INPP5D: variants seen among roughly 807,000 people sequenced by gnomAD.
INPP5D encodes the protein inositol polyphosphate-5-phosphatase D, also known as phosphatidylinositol 3,4,5-trisphosphate 5-phosphatase 1.
INPP5D carries 33 observed loss-of-function variants against 122.9 expected under a neutral mutation model. The ratio of observed to expected loss-of-function variants is 0.27; its 90% CI spans 0.20 to 0.36. The LOEUF is 0.36. Among genes scored for constraint, INPP5D ranks in the 10% least tolerant of loss-of-function variants. The pLI, the probability that INPP5D is intolerant of heterozygous loss-of-function variation, is 1.00. For missense variants in INPP5D, 1,053 were observed against 1,412.7 expected, an observed-to-expected ratio of 0.75 and a Z score of 4.08; for synonymous variants, 584 against 576.2, an observed-to-expected ratio of 1.01 and a Z score of -0.19.
intron 5 of INPP5D, among the ~76,000 whole-genome samples, chr2:233,131,743 T>A (rs1434920124): frequency 1.3e-5 from 2 of 152,178 alleles, no homozygotes; most frequent in Non-Finnish European, 2.9e-5. Flanking sequence ...ACATTTTGAT[T>A]GGAAAAATGG....
Position 233,164,281 on chromosome 2 carries a change from G to T in INPP5D, c.1438-26G>T, listed in dbSNP as rs1405723356. ...GGTTCACACCCTACACTTGGGCCGA[G>T]TATTGCAACGTTGTCCTCCCACCAG... On this transcript the variant is annotated intron_variant, in intron 12 of 26. Transcript: ENST00000445964. This position sits in a 1 kb window ranked among gnomAD's most constrained non-coding sequence, Gnocchi z 4.3. 2.0e-6 allele frequency: 3 copies of T among 1,536,786 alleles called. No homozygotes were observed. The highest frequency in any genetic ancestry group is 2.4e-5 in the South Asian group (2 of 82,058).
intron 6 of INPP5D, among the ~76,000 whole-genome samples, chr2:233,142,206 C>T (rs1693645745): frequency 6.6e-6 from 1 of 152,194 alleles, no homozygotes; most frequent in Non-Finnish European, 1.5e-5. Flanking sequence ...GAGGGTGGGT[C>T]ATGCTGCCAC....
At chr2:233,186,238 C>T (rs959376272) in intron 21 of INPP5D, among the ~76,000 whole-genome samples, 4 of 152,282 alleles carry the variant, frequency 2.6e-5, no homozygotes, top group Non-Finnish European at 4.4e-5. Context: ...CAGGGCCAAG[C>T]GCTGTTTGCT....
chr2:233,103,228 A>T (rs1232126332), intron 2 of INPP5D, among the ~76,000 whole-genome samples: 1 of 152,084 alleles, frequency 6.6e-6, no homozygotes, highest in African/African-American at 2.4e-5. Context: ...TTCCCTGCAA[A>T]TCTCTGCTGC....
chr2:233,178,681 A>C (rs1694707572), intron 18 of INPP5D, among the ~76,000 whole-genome samples: 1 of 152,060 alleles, frequency 6.6e-6, no homozygotes, highest in Non-Finnish European at 1.5e-5. Context: ...ATGGGGTTAC[A>C]CCATGTTGGT....
At chr2:233,151,641 A>G (rs1036915578) in intron 9 of INPP5D, among the ~76,000 whole-genome samples, 3 of 152,194 alleles carry the variant, frequency 2.0e-5, no homozygotes, top group African/African-American at 7.2e-5. Flanking sequence ...AGGCACTTGC[A>G]ATGTCATCCA....
Position 233,177,387 on chromosome 2 carries a change from A to G in INPP5D, c.2071+41A>G. ...GGGGAAAGCAGAACAGGATCAGAGA[A>G]TGGCACCAAGCTGGGAGGTGTGACT... On this transcript the variant is annotated intron_variant, in intron 18 of 26. Transcript: ENST00000445964. This position sits in a 1 kb window ranked among gnomAD's most constrained non-coding sequence, Gnocchi z 4.2. 2 of 1,613,030 alleles carry G rather than the reference A, an allele frequency of 1.2e-6. No homozygotes were observed. The highest frequency in any genetic ancestry group is 4.5e-5 in the East Asian group (2 of 44,854).
intron 9 of INPP5D, among the ~76,000 whole-genome samples, chr2:233,147,916 G>C (rs542874487): frequency 6.6e-6 from 1 of 152,248 alleles, no homozygotes; most frequent in Non-Finnish European, 1.5e-5. Flanking sequence ...TCACGTCCCA[G>C]CTCTGCCACT....
chr2:233,159,535 G>GAAAAAA (rs374072260), intron 10 of INPP5D, among the ~76,000 whole-genome samples: 3 of 143,888 alleles, frequency 2.1e-5, no homozygotes, highest in Non-Finnish European at 3.1e-5. Context: ...TCATCTCTAC[G>GAAAAAA]AAAAAAAAAA....
intron 1 of INPP5D, among the ~76,000 whole-genome samples, chr2:233,063,128 G>T (rs1268648133): frequency 1.3e-5 from 2 of 152,386 alleles, no homozygotes; most frequent in East Asian, 3.9e-4. Context: ...AGGCTGAGGG[G>T]TGTGCAGGGC....
At chr2:233,185,306 G>T (rs1694884288) in intron 20 of INPP5D, among the ~76,000 whole-genome samples, 1 of 152,150 alleles carries the variant, frequency 6.6e-6, no homozygotes, top group Non-Finnish European at 1.5e-5. Flanking sequence ...GTGGGCCCAG[G>T]CCTGGTGCTA....
chr2:233,106,164 A>G (rs949260851), intron 2 of INPP5D, among the ~76,000 whole-genome samples: 1 of 152,148 alleles, frequency 6.6e-6, no homozygotes, highest in Admixed American at 6.5e-5. Flanking sequence ...CTGCATAACA[A>G]ACAGCCTCAA....
rs1694266539 is a variant in INPP5D, at chr2:233,164,197, GACAGGATACCCCATA to G, written c.1438-109_1438-95del. On this transcript the variant is annotated intron_variant, in intron 12 of 26. Transcript: ENST00000445964. The surrounding 1 kb of genome is among the most constrained non-coding windows in gnomAD (Gnocchi z 4.3). ...AGTCCCCCGAAGGGTTGGGATTACA[GACAGGATACCCCATA>G]CCCAGGGGCTGCGGCTGGGGCTGGG... The G allele has an allele frequency of 2.1e-6, 3 of 1,449,960 alleles. No individual in the cohort carries two copies. The East Asian group carries it at 7.5e-5, about 36-fold the overall frequency. The allele number at this position is 1,449,960 out of a possible 1,614,324, so 89.8% of individuals were successfully genotyped here. A position where few individuals can be genotyped will look rare whatever the true frequency, so the allele number is the denominator to read the frequency against.
Position 233,177,399 on chromosome 2 carries a change from T to G in INPP5D, c.2071+53T>G. ...ACAGGATCAGAGAATGGCACCAAGC[T>G]GGGAGGTGTGACTGCCCTAAAATCT... On this transcript the variant is annotated intron_variant, in intron 18 of 26. Transcript: ENST00000445964. This position sits in a 1 kb window ranked among gnomAD's most constrained non-coding sequence, Gnocchi z 4.2. 6.2e-7 allele frequency: 1 copy of G among 1,612,294 alleles called. No individual in the cohort carries two copies. The highest frequency in any genetic ancestry group is 8.5e-7 in the Non-Finnish European group (1 of 1,178,788).
rs1694267348 is a variant in INPP5D at position 233,164,223 on chromosome 2, GCGGCTGGGGCTGGGTGTGAATCACTGT to G, written c.1438-83_1438-57del. On this transcript the variant is annotated intron_variant, in intron 12 of 26. Coordinates refer to ENST00000445964, the MANE Select transcript of INPP5D (RefSeq NM_001017915.3). This position sits in a 1 kb window ranked among gnomAD's most constrained non-coding sequence, Gnocchi z 4.3. Reference sequence around the variant, plus strand: ...ACAGGATACCCCATACCCAGGGGCTGCGGCTGGGGCTGGGTGTGAATCACTGTGCCCTGGTTCACACCCTACACTTGG... The same window carrying G: ...ACAGGATACCCCATACCCAGGGGCTGGCCCTGGTTCACACCCTACACTTGG... The G allele has an allele frequency of 1.5e-5, 22 of 1,474,352 alleles. No individual in the cohort carries two copies. In the South Asian group the frequency reaches 2.9e-4, roughly 19 times the overall value. The allele number at this position is 1,474,352 out of a possible 1,614,324, so 91.3% of individuals were successfully genotyped here. A position where few individuals can be genotyped will look rare whatever the true frequency, so the allele number is the denominator to read the frequency against.
chr2:233,204,127 C>T lies in INPP5D; in HGVS notation c.2977C>T (p.Pro993Ser), dbSNP rs1469739224. The T allele has an allele frequency of 6.5e-7, 1 of 1,540,226 alleles. No homozygotes were observed. The change falls in exon 26 of 27, where the codon CCC becomes TCC. Residue 993 changes from proline to serine, a missense_variant and splice_region_variant. Physicochemically the swap from Pro to Ser is moderately conservative, Grantham distance 74. Around this residue, in one of 6 missense-constraint regions of INPP5D, gnomAD observed 417 missense variants for 425.8 expected, o/e 0.98. Transcript: ENST00000445964. ...GLPPRTQESR[P>S]SDLGKNAGDT... The stretch of plus-strand genomic sequence containing the variant: ...TCCCTGCTCTGTCCCTGGCTCTAGG[C>T]CCAGTGACCTGGGGAAGAACGCAGG...
At chr2:233,148,589 C>T (rs1052304389) in intron 9 of INPP5D, among the ~76,000 whole-genome samples, 3 of 152,070 alleles carry the variant, frequency 2.0e-5, no homozygotes, top group African/African-American at 2.4e-5. Flanking sequence ...ATGCCCAGTG[C>T]GGGGCCACAT....
rs569976833 is a variant in INPP5D at position 233,177,212 on chromosome 2, T to TA, written c.1990-46dup. 2.9e-4 allele frequency: 474 copies of TA among 1,609,816 alleles called. 4 individuals carry two copies. The East Asian group carries it at 1.0e-2, about 34-fold the overall frequency. On this transcript the variant is annotated intron_variant, in intron 17 of 26. Transcript: ENST00000445964. The surrounding 1 kb of genome is among the most constrained non-coding windows in gnomAD (Gnocchi z 4.2). ...CCAGTTAATCTGTTCTTTTACTGAT[T>TA]AAAAAAATAATAATAAGAGGCATTT...
chr2:233,200,636 C>G (rs1239792883), intron 25 of INPP5D, among the ~76,000 whole-genome samples: 1 of 152,174 alleles, frequency 6.6e-6, no homozygotes, highest in Non-Finnish European at 1.5e-5. Flanking sequence ...TTGACAGTCT[C>G]ATTTCTCAAA....
Sources: allele counts gnomAD v4.1 joint callset (sites outside exome capture counted in the v4.1 genomes callset), GRCh38; gene constraint gnomAD v4.1.1; regional missense constraint gnomAD v4.1.1; non-coding constraint Gnocchi (gnomAD v3.1); transcripts MANE v1.5; gene names NCBI Gene and HGNC (gene_info 2026-07-23, HGNC 2026-07-21).